DIS3L2: variants seen among roughly 807,000 people sequenced by gnomAD.
DIS3L2 encodes the protein DIS3-like exonuclease 2.
In DIS3L2, 34 loss-of-function variants were observed where a neutral mutation model predicts 97.5. That is an observed-to-expected ratio of 0.35 (90% CI 0.27 to 0.46). The LOEUF is 0.46. DIS3L2 is among the 20% of genes least tolerant of loss of function. The pLI is 1.00. For missense variants in DIS3L2, 1,038 were observed against 1,146.0 expected, an observed-to-expected ratio of 0.91 and a Z score of 1.36; for synonymous variants, 435 against 445.2, an observed-to-expected ratio of 0.98 and a Z score of 0.29.
At chr2:232,078,570 C>G (rs977722088) in intron 5 of DIS3L2, among the ~76,000 whole-genome samples, 3 of 152,186 alleles carry the variant, frequency 2.0e-5, no homozygotes, top group Admixed American at 6.5e-5. Flanking sequence ...CCCACATACC[C>G]TTGTGCTTGA....
chr2:232,040,961 T>A (rs1467925968), intron 5 of DIS3L2, among the ~76,000 whole-genome samples: 1 of 152,222 alleles, frequency 6.6e-6, no homozygotes, highest in Non-Finnish European at 1.5e-5. Flanking sequence ...AATAAAAATA[T>A]ATGCTTCAGC....
chr2:232,342,292 TATATACAC>T (rs1190199577), intron 13 of DIS3L2, among the ~76,000 whole-genome samples: 2 of 151,936 alleles, frequency 1.3e-5, no homozygotes, highest in Admixed American at 6.6e-5. Context: ...CATATATGCA[TATATACAC>T]ATATATACAT....
intron 5 of DIS3L2, among the ~76,000 whole-genome samples, chr2:232,046,640 T>C (rs1426854117): frequency 6.6e-6 from 1 of 152,184 alleles, no homozygotes; most frequent in Non-Finnish European, 1.5e-5. Context: ...CTGTAACCCC[T>C]TCACCCCCTT....
rs1491408119 is a variant in DIS3L2, at chr2:231,977,865, CAT to C, written c.-94+16101_-94+16102del. 5.9e-5 allele frequency among the ~76,000 whole-genome samples: 9 copies of C among 152,278 alleles called. No homozygotes were observed. The East Asian group carries it at 1.7e-3, about 29-fold the overall frequency. On this transcript the variant is annotated intron_variant, in intron 1 of 20. Coordinates refer to ENST00000325385, the MANE Select transcript of DIS3L2 (RefSeq NM_152383.5). ...TTGCAGTGCTTTTAATTGTGTTACA[CAT>C]GTTTTTTGTTTTTATTCTTGAGTTC...
intron 6 of DIS3L2, among the ~76,000 whole-genome samples, chr2:232,124,005 CA>C (rs1697982608): frequency 6.6e-6 from 1 of 152,164 alleles, no homozygotes; most frequent in African/African-American, 2.4e-5. Context: ...AAGGTTTCTT[CA>C]ACCTAGGCCT....
intron 1 of DIS3L2, among the ~76,000 whole-genome samples, chr2:231,977,609 C>G (rs966408916): frequency 5.9e-5 from 9 of 152,120 alleles, no homozygotes; most frequent in African/African-American, 2.2e-4. Flanking sequence ...TCGGGGACTT[C>G]GAAACTTCTG....
intron 1 of DIS3L2, among the ~76,000 whole-genome samples, chr2:231,993,314 A>G (rs1267199263): frequency 6.6e-6 from 1 of 152,092 alleles, no homozygotes; most frequent in Non-Finnish European, 1.5e-5. Context: ...CCCAGGTTCA[A>G]GCAAGTCTCC....
intron 9 of DIS3L2, among the ~76,000 whole-genome samples, chr2:232,191,638 G>A (rs921883447): frequency 1.3e-5 from 2 of 152,172 alleles, no homozygotes; most frequent in Non-Finnish European, 2.9e-5. Context: ...GTTACATTGT[G>A]TTTACTCCTA....
intron 13 of DIS3L2, among the ~76,000 whole-genome samples, chr2:232,267,678 G>A (rs1693887643): frequency 6.6e-6 from 1 of 152,226 alleles, no homozygotes; most frequent in South Asian, 2.1e-4. Context: ...GGAACTGTGG[G>A]AAGTTTGCTC....
At chr2:232,338,645 G>A (rs1451196674), downstream of DIS3L2, among the ~76,000 whole-genome samples, 2 of 152,136 alleles carry the variant, frequency 1.3e-5, no homozygotes, top group Non-Finnish European at 2.9e-5. Flanking sequence ...CCTACCCAGA[G>A]CTCAGAGAAG....
chr2:231,965,601 A>G (rs1692686499), intron 1 of DIS3L2, among the ~76,000 whole-genome samples: 1 of 152,192 alleles, frequency 6.6e-6, no homozygotes, highest in African/African-American at 2.4e-5. Context: ...TTATTCACTT[A>G]ATCATCAAAT....
chr2:232,121,314 C>T (rs1697898121), intron 6 of DIS3L2, among the ~76,000 whole-genome samples: 1 of 152,192 alleles, frequency 6.6e-6, no homozygotes, highest in South Asian at 2.1e-4. Flanking sequence ...CTACCTCTGA[C>T]CACACCTCAG....
intron 6 of DIS3L2, among the ~76,000 whole-genome samples, chr2:232,129,044 T>G (rs1406939814): frequency 6.6e-6 from 1 of 152,202 alleles, no homozygotes; most frequent in Non-Finnish European, 1.5e-5. Flanking sequence ...TCTCTTAAGA[T>G]GTAATTTGGT....
At chr2:232,145,325 A>T (rs149466597) in intron 8 of DIS3L2, among the ~76,000 whole-genome samples, 71 of 152,286 alleles carry the variant, frequency 4.7e-4, no homozygotes, top group Non-Finnish European at 9.6e-4. Flanking sequence ...TGCTGCCAGC[A>T]TGTAGAATTA....
Position 232,130,963 on chromosome 2 carries a change from G to A in DIS3L2, c.702+244G>A, listed in dbSNP as rs189492562. ...GTGTGGGTATGTTGATTGGAGTTCTGTGTTATCTTTCTTGCTTAAACCACA... is the reference window on the plus strand; with the variant it reads ...GTGTGGGTATGTTGATTGGAGTTCTATGTTATCTTTCTTGCTTAAACCACA... On this transcript the variant is annotated intron_variant, in intron 7 of 20. Coordinates refer to ENST00000325385, the MANE Select transcript of DIS3L2 (RefSeq NM_152383.5). 2.4e-4 allele frequency: 110 copies of A among 459,518 alleles called. 1 individual carries two copies. The highest frequency in any genetic ancestry group is 3.3e-4 in the Admixed American group (8 of 24,384). The allele number at this position is 459,518 out of a possible 1,614,324, so 28.5% of individuals were successfully genotyped here. A position where few individuals can be genotyped will look rare whatever the true frequency, so the allele number is the denominator to read the frequency against.
chr2:232,338,745 G>T (rs1182830327), downstream of DIS3L2, among the ~76,000 whole-genome samples: 2 of 152,238 alleles, frequency 1.3e-5, no homozygotes. Context: ...ATCCGGTGCC[G>T]CGCATTCACA....
intron 9 of DIS3L2, among the ~76,000 whole-genome samples, chr2:232,187,690 C>T (rs1691479566): frequency 6.6e-6 from 1 of 152,068 alleles, no homozygotes; most frequent in African/African-American, 2.4e-5. Context: ...ATCTGCCCAC[C>T]TCGGCCTCCC....
intron 11 of DIS3L2, among the ~76,000 whole-genome samples, chr2:232,247,670 G>A (rs1234864107): frequency 1.6e-5 from 2 of 123,026 alleles, no homozygotes; most frequent in Admixed American, 1.1e-4. Flanking sequence ...CCCTAGGATA[G>A]CCCAAAGGCT....
Position 232,163,529 on chromosome 2 carries a change from G to A in DIS3L2, c.1021G>A (p.Gly341Ser), listed in dbSNP as rs2106377174. The A allele has an allele frequency of 1.2e-6, 2 of 1,614,144 alleles. No individual in the cohort carries two copies. The highest frequency in any genetic ancestry group is 1.7e-5 in the Admixed American group (1 of 60,018). The change falls in exon 9 of 21, where the codon GGC (glycine) becomes AGC (serine). Residue 341 changes from glycine (G) to serine (S), a missense_variant. Around this residue, in one of 3 missense-constraint regions of DIS3L2, gnomAD observed 813 missense variants for 880.1 expected, o/e 0.92. Transcript: ENST00000325385. ...AACAGAAGGAATACTAACAGAGTAT[G>A]GCGTGGATTTCTCTGATTTCTCTTC... ...PETEGILTEY[G>S]VDFSDFSSEV...
Sources: allele counts gnomAD v4.1 joint callset (sites outside exome capture counted in the v4.1 genomes callset), GRCh38; gene constraint gnomAD v4.1.1; regional missense constraint gnomAD v4.1.1; transcripts MANE v1.5; gene names NCBI Gene and HGNC (gene_info 2026-07-23, HGNC 2026-07-21).